CAP2: variants seen among roughly 807,000 people sequenced by gnomAD.
The protein encoded by CAP2 is adenylyl cyclase-associated protein 2.
Under a neutral mutation model 57.7 loss-of-function variants are expected in CAP2, and 24 were observed. The ratio of observed to expected loss-of-function variants is 0.42; its 90% CI spans 0.30 to 0.58. The LOEUF is 0.58. CAP2 is among the 20% of genes least tolerant of loss of function. The pLI, the probability that CAP2 is intolerant of heterozygous loss-of-function variation, is 0.22. For missense variants in CAP2, 501 were observed against 590.3 expected (o/e 0.85, Z 1.57); for synonymous variants, 194 against 207.2 (o/e 0.94, Z 0.55).
intron 7 of CAP2, among the ~76,000 whole-genome samples, chr6:17,528,156 C>T (rs1015762326): frequency 3.3e-5 from 5 of 152,172 alleles, no homozygotes; most frequent in Non-Finnish European, 5.9e-5. Context: ...TTTGCCCAAC[C>T]GTGGACTAAT....
intron 4 of CAP2, among the ~76,000 whole-genome samples, chr6:17,484,098 G>A (rs1006479386): frequency 3.9e-5 from 6 of 151,906 alleles, no homozygotes; most frequent in Non-Finnish European, 8.8e-5. Context: ...GAAAGACCAC[G>A]GACTCCCTTT....
chr6:17,439,334 C>T (rs913518899), intron 3 of CAP2, among the ~76,000 whole-genome samples: 1 of 150,516 alleles, frequency 6.6e-6, no homozygotes, highest in Non-Finnish European at 1.5e-5. Flanking sequence ...GATCGAAATG[C>T]TGCCTTTATC....
intron 4 of CAP2, among the ~76,000 whole-genome samples, chr6:17,477,308 A>G (rs989637398): frequency 6.6e-6 from 1 of 152,370 alleles, no homozygotes; most frequent in East Asian, 1.9e-4. Context: ...CTGTTACAGC[A>G]TGTCATCCGG....
intron 4 of CAP2, among the ~76,000 whole-genome samples, chr6:17,477,956 C>T (rs6459547): frequency 0.59 from 88,254 of 148,428 alleles, 26,783 homozygotes; most frequent in East Asian, 0.82. Context: ...TAATTACTAA[C>T]TTTACTTCTT....
At chr6:17,441,629 G>A (rs1280445354) in intron 3 of CAP2, among the ~76,000 whole-genome samples, 1 of 151,794 alleles carries the variant, frequency 6.6e-6, no homozygotes, top group Non-Finnish European at 1.5e-5. Flanking sequence ...GACTACAGGT[G>A]CACACCACCA....
At chr6:17,528,937 CG>C (rs1463821051) in intron 7 of CAP2, among the ~76,000 whole-genome samples, 1 of 152,072 alleles carries the variant, frequency 6.6e-6, no homozygotes, top group Non-Finnish European at 1.5e-5. Flanking sequence ...GAAGTGGAGC[CG>C]GGTGCAGTGG....
At chr6:17,496,490 T>C (rs1328601403) in intron 4 of CAP2, among the ~76,000 whole-genome samples, 1 of 152,080 alleles carries the variant, frequency 6.6e-6, no homozygotes, top group East Asian at 1.9e-4. Context: ...TGTTTTTTTT[T>C]CTTTCTTTCT....
intron 7 of CAP2, 138 bp downstream of exon 7, chr6:17,514,092 G>C: frequency 3.1e-6 from 2 of 641,330 alleles, no homozygotes; most frequent in South Asian, 3.8e-5. Flanking sequence ...GGCCAGGCGC[G>C]GTGGCTCACG....
chr6:17,540,958 G>C lies in CAP2; in HGVS notation c.827-15G>C. On this transcript the variant is annotated splice_polypyrimidine_tract_variant and intron_variant, in intron 8 of 12. Coordinates refer to ENST00000229922, the MANE Select transcript of CAP2 (RefSeq NM_006366.3). ...TTGCATAAAATAAATGTGTCCATGTGTGTTGTCCTCCTAGGGCTCCGCCAT... is the reference window on the plus strand; with the variant it reads ...TTGCATAAAATAAATGTGTCCATGTCTGTTGTCCTCCTAGGGCTCCGCCAT... 3 of 1,610,132 alleles carry C rather than the reference G, an allele frequency of 1.9e-6. No individual in the cohort carries two copies. The highest frequency in any genetic ancestry group is 2.5e-6 in the Non-Finnish European group (3 of 1,177,908).
intron 7 of CAP2, among the ~76,000 whole-genome samples, chr6:17,526,791 C>T (rs1049450382): frequency 7.3e-5 from 11 of 151,692 alleles, no homozygotes; most frequent in Non-Finnish European, 1.6e-4. Flanking sequence ...AACCCCGTCT[C>T]TACTAAAAAT....
Position 17,547,463 on chromosome 6 carries a change from G to GA in CAP2, c.1210-3992dup, listed in dbSNP as rs533709560. ...AATTCTGCAGCAATGAAGACGCATA[G>GA]AAAAAAAAAGAAAGAAAAAGAAAAT... is the stretch of plus-strand genomic sequence containing the variant. On this transcript the variant is annotated intron_variant, in intron 11 of 12. Transcript: ENST00000229922. Among the ~76,000 whole-genome samples the GA allele has an allele frequency of 3.8e-4, 57 of 150,216 alleles. No individual in the cohort carries two copies. The South Asian group carries it at 0.01, about 27-fold the overall frequency.
chr6:17,431,705 G>C (rs1359988637), intron 3 of CAP2, among the ~76,000 whole-genome samples: 1 of 152,090 alleles, frequency 6.6e-6, no homozygotes, highest in Non-Finnish European at 1.5e-5. Context: ...ATTTAGAGTG[G>C]CCCTGCTTTT....
intron 1 of CAP2, among the ~76,000 whole-genome samples, chr6:17,404,769 T>G (rs1758909939): frequency 8.9e-6 from 1 of 112,088 alleles, no homozygotes; most frequent in African/African-American, 3.7e-5. Flanking sequence ...AGACTCCATC[T>G]CAAAAAAAAA....
intron 4 of CAP2, among the ~76,000 whole-genome samples, chr6:17,502,685 G>T (rs573349760): frequency 6.6e-6 from 1 of 152,188 alleles, no homozygotes; most frequent in East Asian, 1.9e-4. Context: ...AACAAAGATG[G>T]CCTTAATAAA....
intron 9 of CAP2, among the ~76,000 whole-genome samples, chr6:17,542,129 A>G (rs906278735): frequency 2.6e-5 from 4 of 152,046 alleles, no homozygotes; most frequent in African/African-American, 9.7e-5. Flanking sequence ...GGCAATTACC[A>G]TTCTACTTTC....
chr6:17,533,416 T>A (rs1762696938), intron 7 of CAP2, among the ~76,000 whole-genome samples: 1 of 152,050 alleles, frequency 6.6e-6, no homozygotes, highest in Non-Finnish European at 1.5e-5. Context: ...TGTGCCAATT[T>A]AAAAAAAGTA....
intron 11 of CAP2, among the ~76,000 whole-genome samples, chr6:17,543,624 C>CAA (rs66747239): frequency 5.0e-4 from 42 of 83,850 alleles, no homozygotes; most frequent in African/African-American, 1.3e-3. Flanking sequence ...GACTCCATCT[C>CAA]AAAAAAAAAA....
At position 17,553,677 on chromosome 6, in the gene CAP2, C is replaced by T. The variant is rs534945035; in HGVS notation, c.1350+2073C>T. 2.6e-5 allele frequency among the ~76,000 whole-genome samples: 4 copies of T among 151,432 alleles called. No homozygotes were observed. The South Asian group carries it at 8.4e-4, about 32-fold the overall frequency. ...GATCTTGCCTCTTACAGGTCAATTA[C>T]CTTGTGGCCCTCTTCACATGTTCTC... On this transcript the variant is annotated intron_variant, in intron 12 of 12. Transcript: ENST00000229922.
At chr6:17,488,457 AC>A (rs1165888011) in intron 4 of CAP2, among the ~76,000 whole-genome samples, 2 of 152,170 alleles carry the variant, frequency 1.3e-5, no homozygotes, top group Admixed American at 1.3e-4. Context: ...TGTTCCTGTG[AC>A]CATCTCATTC....
Sources: gnomAD v4.1 joint callset for allele counts (sites outside exome capture counted in the v4.1 genomes callset) on GRCh38, gnomAD v4.1.1 for gene constraint, MANE v1.5 for transcripts, NCBI Gene and HGNC (gene_info 2026-07-23, HGNC 2026-07-21) for gene names.